ODAD4: variants seen among roughly 807,000 people sequenced by gnomAD.
ODAD4 encodes the protein outer dynein arm docking complex subunit 4.
In ODAD4, 49 loss-of-function variants were observed where a neutral mutation model predicts 51.8. The ratio of observed to expected loss-of-function variants is 0.95; its 90% CI spans 0.75 to 1.20. The LOEUF (loss-of-function observed/expected upper bound fraction) is 1.20, where lower values mean the gene tolerates loss of function less well. Among genes scored for constraint, ODAD4 ranks in the 50% most tolerant of loss-of-function variants. The pLI is 0.00. For synonymous variants in ODAD4, 235 were observed against 221.3 expected, an observed-to-expected ratio of 1.06 and a Z score of -0.55; for missense variants, 590 against 586.5, an observed-to-expected ratio of 1.01 and a Z score of -0.06.
intron 8 of ODAD4, among the ~76,000 whole-genome samples, chr17:41,947,328 T>TA (rs1421753449): frequency 3.1e-4 from 44 of 143,516 alleles, no homozygotes; most frequent in Non-Finnish European, 5.6e-4. Context: ...AGAAAAAAAA[T>TA]ACAAAAGTTA....
At chr17:41,935,461 C>G in intron 2 of ODAD4, 113 bp downstream of exon 2, 1 of 1,515,010 alleles carries the variant, frequency 6.6e-7, no homozygotes, top group Non-Finnish European at 8.9e-7. Flanking sequence ...ATGCCATTTT[C>G]TCTTCCTAGG....
At chr17:41,958,749 G>T (rs1240110567) in intron 10 of ODAD4, among the ~76,000 whole-genome samples, 1 of 152,038 alleles carries the variant, frequency 6.6e-6, no homozygotes, top group Non-Finnish European at 1.5e-5. Context: ...GTGAGGCCGG[G>T]TGCGGTGGCT....
At chr17:41,931,245 G>A (rs1385144243) in intron 1 of ODAD4, among the ~76,000 whole-genome samples, 8 of 152,080 alleles carry the variant, frequency 5.3e-5, no homozygotes, top group African/African-American at 1.9e-4. Context: ...GATGATGCCT[G>A]GAGGACCCTG....
chr17:41,959,092 T>C (rs2144538075), intron 10 of ODAD4, among the ~76,000 whole-genome samples: 1 of 151,984 alleles, frequency 6.6e-6, no homozygotes, highest in East Asian at 1.9e-4. Flanking sequence ...TCACAGAAAT[T>C]TCTGTTGAAT....
intron 2 of ODAD4, 110 bp from the exon 3 acceptor site, chr17:41,935,489 G>C: frequency 6.6e-7 from 1 of 1,507,474 alleles, no homozygotes; most frequent in Non-Finnish European, 8.9e-7. Context: ...CTAAGTCCCT[G>C]CCCCCTGTAT....
chr17:41,931,041 G>T (rs1201483506), intron 1 of ODAD4, among the ~76,000 whole-genome samples: 2 of 151,784 alleles, frequency 1.3e-5, no homozygotes, highest in Non-Finnish European at 2.9e-5. Flanking sequence ...CTACAGGCGC[G>T]TGCCACCATG....
intron 5 of ODAD4, among the ~76,000 whole-genome samples, chr17:41,938,272 G>T (rs1224815082): frequency 6.6e-6 from 1 of 152,190 alleles, no homozygotes; most frequent in Non-Finnish European, 1.5e-5. Context: ...GGGAAGCCCC[G>T]AGGCTTCTCA....
chr17:41,932,726 C>CTTTTTTTTTTTTTTTTTTTTT (rs10712306), intron 1 of ODAD4, among the ~76,000 whole-genome samples: 1 of 112,052 alleles, frequency 8.9e-6, no homozygotes, highest in Non-Finnish European at 1.9e-5. Flanking sequence ...TTCTTTTCTT[C>CTTTTTTTTTTTTTTTTTTTTT]TTTTTTTTTT....
At chr17:41,954,999 G>A (rs782764787) in intron 9 of ODAD4, 2 of 663,068 alleles carry the variant, frequency 3.0e-6, no homozygotes, top group Non-Finnish European at 5.6e-6. Context: ...TGAGGCCCAG[G>A]TTCCTCAGTC....
At chr17:41,959,270 G>C (rs1434464946) in intron 10 of ODAD4, among the ~76,000 whole-genome samples, 1 of 152,190 alleles carries the variant, frequency 6.6e-6, no homozygotes, top group African/African-American at 2.4e-5. Flanking sequence ...TCTTCCTCCT[G>C]CTTCTGACCA....
chr17:41,939,757 G>A (rs1198221163), intron 7 of ODAD4, among the ~76,000 whole-genome samples: 1 of 152,190 alleles, frequency 6.6e-6, no homozygotes, highest in East Asian at 1.9e-4. Context: ...GCTGAAGGAA[G>A]TGGGCAGGGG....
intron 1 of ODAD4, among the ~76,000 whole-genome samples, chr17:41,933,271 A>G (rs185402668): frequency 4.1e-4 from 62 of 151,932 alleles, no homozygotes; most frequent in Non-Finnish European, 7.1e-4. Context: ...AGGGGTGGGT[A>G]CCAGGAGACA....
At position 41,966,136 on chromosome 17, in the gene ODAD4, G is replaced by T. The variant is rs782448440; in HGVS notation, c.*653G>T. ...GGACTGAGTGCTTAGCACAGCACTT[G>T]GACAGGAAACTCAAAAATCCAACGG... On this transcript the variant is annotated 3_prime_UTR_variant, in exon 12 of 12. Transcript: ENST00000377540. Among the ~76,000 whole-genome samples the T allele has an allele frequency of 1.2e-4, 19 of 152,218 alleles. No homozygotes were observed. Among genetic ancestry groups the T allele is most frequent in the Non-Finnish European group, 2.6e-4 (18 of 68,044 alleles).
chr17:41,934,526 G>A (rs2144488958), intron 1 of ODAD4, among the ~76,000 whole-genome samples: 1 of 150,506 alleles, frequency 6.6e-6, no homozygotes, highest in African/African-American at 2.4e-5. Flanking sequence ...TAATTTTTTT[G>A]TATTTCGTAG....
At chr17:41,945,918 G>T (rs890835773) in intron 8 of ODAD4, among the ~76,000 whole-genome samples, 26 of 152,044 alleles carry the variant, frequency 1.7e-4, no homozygotes, top group African/African-American at 6.0e-4. Context: ...AACCTTTAGG[G>T]CAGGAAAGAA....
intron 1 of ODAD4, 31 bp from the exon 2 acceptor site, chr17:41,935,186 T>C: frequency 6.2e-7 from 1 of 1,613,372 alleles, no homozygotes; most frequent in Non-Finnish European, 8.5e-7. Context: ...CTCTTCATGC[T>C]GGCTGTCAAC....
rs1004387548 is a variant in ODAD4, at chr17:41,936,819, G to T, written c.517G>T (p.Gly173Ter). 1 of 1,613,956 alleles carries T rather than the reference G, an allele frequency of 6.2e-7. No homozygotes were observed. Among genetic ancestry groups the T allele is most frequent in the Non-Finnish European group, 8.5e-7 (1 of 1,179,892 alleles). Reference protein sequence around the residue: ...PMKHLLHPTKGEPKWKASLKS... With the variant: ...PMKHLLHPTK Reference sequence around the variant, plus strand: ...GAAACACCTCTTACACCCCACCAAGGGAGAGCCCAAGTGGAAGGCCTCGCT... The same window carrying T: ...GAAACACCTCTTACACCCCACCAAGTGAGAGCCCAAGTGGAAGGCCTCGCT... Residue 173 changes from glycine (G) to a stop codon, truncating the protein, a stop_gained, in exon 5 of 12, where the codon GGA becomes TGA. Coordinates refer to ENST00000377540, the MANE Select transcript of ODAD4 (RefSeq NM_031421.5). LOFTEE classifies it high-confidence loss of function.
intron 7 of ODAD4, 125 bp downstream of exon 7, chr17:41,939,297 A>T: frequency 1.0e-6 from 1 of 967,554 alleles, no homozygotes; most frequent in South Asian, 1.7e-5. Context: ...CCTGAGGTAG[A>T]TTCTCCTGGA....
At chr17:41,961,867 G>C (rs1385233462) in intron 11 of ODAD4, among the ~76,000 whole-genome samples, 4 of 152,184 alleles carry the variant, frequency 2.6e-5, no homozygotes, top group African/African-American at 9.7e-5. Flanking sequence ...GTGCTACACC[G>C]AGGTGGAGGT....
Sources: gnomAD v4.1 joint callset for allele counts (sites outside exome capture counted in the v4.1 genomes callset) on GRCh38, gnomAD v4.1.1 for gene constraint, MANE v1.5 for transcripts, NCBI Gene and HGNC (gene_info 2026-07-23, HGNC 2026-07-21) for gene names.